IQSEC1: variants seen among roughly 807,000 people sequenced by gnomAD.
IQSEC1 encodes IQ motif and Sec7 domain ArfGEF 1, also known as IQ motif and SEC7 domain-containing protein 1.
Under a neutral mutation model 91.0 loss-of-function variants are expected in IQSEC1, and 31 were observed. That is an observed-to-expected ratio of 0.34 (90% CI 0.26 to 0.46). IQSEC1 has a LOEUF of 0.46. Ranked by LOEUF, IQSEC1 falls within the 20% of genes least tolerant of loss-of-function variation. The pLI is 1.00. For missense variants in IQSEC1, 1,388 were observed against 1,575.6 expected, an observed-to-expected ratio of 0.88 and a Z score of 2.02; for synonymous variants, 699 against 662.6, an observed-to-expected ratio of 1.05 and a Z score of -0.84.
chr3:13,043,558 C>T (rs1704369437), intron 1 of IQSEC1, among the ~76,000 whole-genome samples: 1 of 152,234 alleles, frequency 6.6e-6, no homozygotes, highest in Admixed American at 6.5e-5. Context: ...AGCAGCTCAG[C>T]CCCCTTCAGC....
At chr3:13,197,178 C>G (rs1694145149) in intron 1 of IQSEC1, among the ~76,000 whole-genome samples, 1 of 152,212 alleles carries the variant, frequency 6.6e-6, no homozygotes, top group South Asian at 2.1e-4. Context: ...CAGATATCCC[C>G]TACGGAAGGT....
chr3:13,215,479 G>A (rs1039490709), intron 1 of IQSEC1, among the ~76,000 whole-genome samples: 7 of 152,288 alleles, frequency 4.6e-5, no homozygotes, highest in South Asian at 2.1e-4. Context: ...CAAGAGTTTC[G>A]TTTAAAATCC....
intron 1 of IQSEC1, among the ~76,000 whole-genome samples, chr3:13,070,030 G>C (rs1444144670): frequency 6.6e-6 from 1 of 152,000 alleles, no homozygotes; most frequent in African/African-American, 2.4e-5. Context: ...AAGCTCCCTT[G>C]GGTGCACACC....
At chr3:13,240,236 A>G (rs1036743898) in intron 1 of IQSEC1, among the ~76,000 whole-genome samples, 3 of 152,008 alleles carry the variant, frequency 2.0e-5, no homozygotes, top group African/African-American at 7.3e-5. Flanking sequence ...AAAAATTAAA[A>G]ATTAGCCAGG....
rs560314162 is a variant in IQSEC1 at position 12,966,963 on chromosome 3, C to T, written c.24-25098G>A. 3.3e-5 allele frequency among the ~76,000 whole-genome samples: 5 copies of T among 152,274 alleles called. No individual in the cohort carries two copies. In the East Asian group the frequency reaches 7.7e-4, roughly 24 times the overall value. On this transcript the variant is annotated intron_variant, in intron 1 of 13. Transcript: ENST00000613206. ...CTGCAGTTGGAAACAGGCACAGACC[C>T]GCTGGGCACCCTCCCACCAACTCTC...
intron 2 of IQSEC1, among the ~76,000 whole-genome samples, chr3:13,130,876 G>C (rs1576264034): frequency 6.7e-6 from 1 of 149,784 alleles, no homozygotes; most frequent in Non-Finnish European, 1.5e-5. Flanking sequence ...GATTGCTTGA[G>C]ACTGAGAATT....
chr3:13,216,344 C>G (rs1694550205), intron 1 of IQSEC1, among the ~76,000 whole-genome samples: 1 of 152,226 alleles, frequency 6.6e-6, no homozygotes, highest in African/African-American at 2.4e-5. Context: ...AACACATGGT[C>G]AAATATGTTT....
intron 12 of IQSEC1, among the ~76,000 whole-genome samples, chr3:12,907,748 C>G (rs964697410): frequency 1.3e-5 from 2 of 152,222 alleles, no homozygotes; most frequent in Non-Finnish European, 2.9e-5. Context: ...AAACAGCTGG[C>G]AGCAAATTAA....
chr3:13,142,599 G>C (rs2124940955), intron 2 of IQSEC1, among the ~76,000 whole-genome samples: 1 of 152,332 alleles, frequency 6.6e-6, no homozygotes. Context: ...ACAGCCTGTA[G>C]GCCACATAGG....
At chr3:13,183,056 C>T (rs1397899984) in intron 1 of IQSEC1, among the ~76,000 whole-genome samples, 1 of 151,736 alleles carries the variant, frequency 6.6e-6, no homozygotes, top group African/African-American at 2.4e-5. Flanking sequence ...CCCAGCTACT[C>T]GGGAGGCTGA....
At chr3:13,033,530 T>C (rs1359695337) in intron 1 of IQSEC1, among the ~76,000 whole-genome samples, 2 of 152,048 alleles carry the variant, frequency 1.3e-5, no homozygotes, top group Non-Finnish European at 2.9e-5. Flanking sequence ...TATGTATATA[T>C]ATACATATAT....
Position 13,267,611 on chromosome 3 carries a change from TTTTC to T in IQSEC1, c.272+15096_272+15099del, listed in dbSNP as rs1428603779. On this transcript the variant is annotated intron_variant, in intron 1 of 15. Coordinates refer to the IQSEC1 transcript ENST00000648114. ...GCCAGAGTCAGCAAATTTCTTTTTTTTTTCTTTTTCTTTTTTTTTTTTTTTAGAC... is the reference window on the plus strand; with the variant it reads ...GCCAGAGTCAGCAAATTTCTTTTTTTTTTTTCTTTTTTTTTTTTTTTAGAC... 6.1e-3 allele frequency among the ~76,000 whole-genome samples: 911 copies of T among 150,394 alleles called. 6 individuals carry two copies. The highest frequency in any genetic ancestry group is 0.021 in the African/African-American group (859 of 40,388).
chr3:13,168,631 C>T (rs113931848), intron 1 of IQSEC1, among the ~76,000 whole-genome samples: 1,755 of 152,290 alleles, frequency 0.012, 24 homozygotes, highest in African/African-American at 0.031. Flanking sequence ...AGTTTCCCCT[C>T]GGCTCCCCAC....
chr3:13,083,470 C>T (rs1338822125), intron 2 of IQSEC1, among the ~76,000 whole-genome samples: 1 of 152,268 alleles, frequency 6.6e-6, no homozygotes. Flanking sequence ...GGGCCTCTTC[C>T]TCTTCCTACT....
At chr3:13,055,639 C>T (rs1358232127) in intron 1 of IQSEC1, among the ~76,000 whole-genome samples, 2 of 152,208 alleles carry the variant, frequency 1.3e-5, no homozygotes, top group East Asian at 3.8e-4. Flanking sequence ...ACAAGGTAAC[C>T]TCAAGTGATC....
intron 2 of IQSEC1, among the ~76,000 whole-genome samples, chr3:13,108,865 C>T (rs1706195650): frequency 6.6e-6 from 1 of 152,246 alleles, no homozygotes; most frequent in Non-Finnish European, 1.5e-5. Context: ...AGCCCCTCTG[C>T]TGGAGATGGG....
intron 1 of IQSEC1, among the ~76,000 whole-genome samples, chr3:13,168,745 C>T (rs549416647): frequency 6.6e-6 from 1 of 152,274 alleles, no homozygotes; most frequent in South Asian, 2.1e-4. Flanking sequence ...CTGTCCCTGG[C>T]TTTTGATTTC....
chr3:13,000,759 C>T (rs141794868), intron 1 of IQSEC1, among the ~76,000 whole-genome samples: 99 of 152,324 alleles, frequency 6.5e-4, no homozygotes, highest in African/African-American at 2.3e-3. Context: ...TTGGTGGGCA[C>T]AGCCCCAGGC....
intron 1 of IQSEC1, among the ~76,000 whole-genome samples, chr3:13,031,250 T>C (rs977921708): frequency 6.6e-6 from 1 of 152,230 alleles, no homozygotes. Flanking sequence ...GCACATTCTC[T>C]CTGCCACATA....
Sources: allele counts gnomAD v4.1 joint callset (sites outside exome capture counted in the v4.1 genomes callset), GRCh38; gene constraint gnomAD v4.1.1; transcripts MANE v1.5; gene names NCBI Gene and HGNC (gene_info 2026-07-23, HGNC 2026-07-21).